Variants in PCDHA10 observed in about 807,000 individuals in gnomAD.
The protein encoded by PCDHA10 is protocadherin alpha-10.
Under a neutral mutation model 61.2 loss-of-function variants are expected in PCDHA10, and 45 were observed. The observed-to-expected ratio is 0.74, with a 90% CI of 0.58 to 0.94. PCDHA10 has a LOEUF of 0.94. Ranked by LOEUF, PCDHA10 falls within the 40% of genes least tolerant of loss-of-function variation. PCDHA10 has a pLI of 0.00. For synonymous variants in PCDHA10, 602 were observed against 548.8 expected (o/e 1.10, Z -1.35); for missense variants, 1,278 against 1,236.2 (o/e 1.03, Z -0.51).
At chr5:140,985,619 G>A (rs961379624) in intron 3 of PCDHA10, among the ~76,000 whole-genome samples, 1 of 152,064 alleles carries the variant, frequency 6.6e-6, no homozygotes, top group Non-Finnish European at 1.5e-5. Flanking sequence ...TGAACCAGCT[G>A]TGTATTGCTC....
At chr5:140,913,122 C>A (rs2076217505) in intron 1 of PCDHA10, among the ~76,000 whole-genome samples, 1 of 152,158 alleles carries the variant, frequency 6.6e-6, no homozygotes, top group African/African-American at 2.4e-5. Context: ...TGGAAGTTAA[C>A]CCCTCCTCTA....
At chr5:141,000,768 A>G (rs1434125702) in intron 3 of PCDHA10, among the ~76,000 whole-genome samples, 43 of 151,864 alleles carry the variant, frequency 2.8e-4, no homozygotes, top group African/African-American at 4.8e-5. Context: ...TTAGCCAGGC[A>G]TAGTGGCGCA....
intron 1 of PCDHA10, chr5:140,863,098 A>C (rs781829362): frequency 1.7e-6 from 1 of 578,270 alleles, no homozygotes; most frequent in Non-Finnish European, 3.4e-6. Context: ...CACGACGAGT[A>C]CCCTGGACGA....
intron 3 of PCDHA10, among the ~76,000 whole-genome samples, chr5:140,996,546 T>C (rs1179221123): frequency 6.6e-6 from 1 of 152,224 alleles, no homozygotes; most frequent in Admixed American, 6.5e-5. Flanking sequence ...GATATTATGC[T>C]GTCACTATCT....
In PCDHA10 at chr5:140,904,839, ATCT is replaced by A. The variant is rs1480252178; in HGVS notation, c.2388+46410_2388+46412del. 4.1e-4 allele frequency among the ~76,000 whole-genome samples: 62 copies of A among 152,040 alleles called. No individual in the cohort carries two copies. The East Asian group carries it at 6.4e-3, about 16-fold the overall frequency. Reference sequence around the variant, plus strand: ...TTGAGCATTTTTTTATATGTTTCATATCTTCTTCTGAGAATTGTCTGTTTATGT... The same window carrying A: ...TTGAGCATTTTTTTATATGTTTCATATCTTCTGAGAATTGTCTGTTTATGT... On this transcript the variant is annotated intron_variant, in intron 1 of 3. Coordinates refer to ENST00000307360, the MANE Select transcript of PCDHA10 (RefSeq NM_018901.4).
At chr5:141,007,395 CAAAAAAAA>C (rs35800918) in intron 3 of PCDHA10, among the ~76,000 whole-genome samples, 98 of 94,844 alleles carry the variant, frequency 1.0e-3, no homozygotes, top group African/African-American at 2.9e-3. Context: ...TACTAAAATA[CAAAAAAAA>C]AAAAAAAAAA....
At chr5:140,903,500 G>A (rs553764100) in intron 1 of PCDHA10, among the ~76,000 whole-genome samples, 1 of 152,184 alleles carries the variant, frequency 6.6e-6, no homozygotes, top group African/African-American at 2.4e-5. Flanking sequence ...AGGTACCATA[G>A]ATAATAGTTC....
At chr5:140,883,398 G>A (rs1421475221) in intron 1 of PCDHA10, 1 of 1,614,166 alleles carries the variant, frequency 6.2e-7, no homozygotes, top group Non-Finnish European at 8.5e-7. Flanking sequence ...GTGTCCGATC[G>A]TGACTCTGGC....
In PCDHA10 at chr5:140,877,445, C is replaced by T. The variant is rs782657623; in HGVS notation, c.2388+19009C>T. ...CTGGTGAAGGACCACGGTGAGCCCG[C>T]GCTGACGTCCACGGCCACGGTGCTG... On this transcript the variant is annotated intron_variant, in intron 1 of 3. Transcript: ENST00000307360. 36 of 1,613,714 alleles carry T rather than the reference C, an allele frequency of 2.2e-5. No individual in the cohort carries two copies. The highest frequency in any genetic ancestry group is 3.0e-5 in the Non-Finnish European group (35 of 1,179,874).
chr5:140,967,810 C>T, intron 1 of PCDHA10: 1 of 1,614,176 alleles, frequency 6.2e-7, no homozygotes, highest in Non-Finnish European at 8.5e-7. Context: ...TGGCAGGTCA[C>T]TGCAAGGTGC....
intron 2 of PCDHA10, 91 bp downstream of exon 2, chr5:140,979,098 A>C: frequency 1.3e-6 from 2 of 1,547,480 alleles, no homozygotes; most frequent in East Asian, 2.3e-5. Flanking sequence ...AGCAGCTGTC[A>C]AAACTAAAAA....
chr5:140,921,131 C>A (rs532456439), intron 1 of PCDHA10, among the ~76,000 whole-genome samples: 1 of 133,054 alleles, frequency 7.5e-6, no homozygotes, highest in East Asian at 2.3e-4. Flanking sequence ...CAGGTGCACA[C>A]CACTACACCC....
chr5:140,928,943 T>C, intron 1 of PCDHA10: 1 of 1,614,090 alleles, frequency 6.2e-7, no homozygotes, highest in Non-Finnish European at 8.5e-7. Flanking sequence ...AACTTGTATT[T>C]AGTAATTGCC....
In PCDHA10 at chr5:140,875,735, C is replaced by A. The variant is rs376701509; in HGVS notation, c.2388+17299C>A. The stretch of plus-strand genomic sequence containing the variant: ...CAGAATGGCATTTTGTTTGTGAATT[C>A]TCGGATCGACCGCGAGAAGCTGTGC... On this transcript the variant is annotated intron_variant, in intron 1 of 3. Coordinates refer to ENST00000307360, the MANE Select transcript of PCDHA10 (RefSeq NM_018901.4). 16 of 1,614,114 alleles carry A rather than the reference C, an allele frequency of 9.9e-6. No homozygotes were observed. In the Middle Eastern group the frequency reaches 4.9e-4, roughly 50 times the overall value.
At chr5:140,977,661 CTGCA>C (rs1554238727) in intron 1 of PCDHA10, among the ~76,000 whole-genome samples, 1 of 152,168 alleles carries the variant, frequency 6.6e-6, no homozygotes, top group Non-Finnish European at 1.5e-5. Flanking sequence ...GGCTAATTCT[CTGCA>C]TGCCAAATAT....
chr5:140,967,745 G>T, intron 1 of PCDHA10: 1 of 1,614,184 alleles, frequency 6.2e-7, no homozygotes, highest in Non-Finnish European at 8.5e-7. Flanking sequence ...GGATTATGAG[G>T]AAGCCTCCTC....
Position 140,967,279 on chromosome 5 carries a change from T to G in PCDHA10, c.2389-11670T>G, listed in dbSNP as rs184476796. The G allele has an allele frequency of 7.8e-5, 126 of 1,613,002 alleles. 1 individual carries two copies. The East Asian group carries it at 2.6e-3, about 34-fold the overall frequency. On this transcript the variant is annotated intron_variant, in intron 1 of 3. Coordinates refer to ENST00000307360, the MANE Select transcript of PCDHA10 (RefSeq NM_018901.4). ...CTGGAGCGCGCTTTCACATAGAGAGTGCGCAGGACCCCGACGTGGGCGCCA... is the reference window on the plus strand; with the variant it reads ...CTGGAGCGCGCTTTCACATAGAGAGGGCGCAGGACCCCGACGTGGGCGCCA...
At chr5:140,938,618 C>A (rs925273700) in intron 1 of PCDHA10, among the ~76,000 whole-genome samples, 1 of 152,138 alleles carries the variant, frequency 6.6e-6, no homozygotes, top group East Asian at 1.9e-4. Flanking sequence ...TTGGAATAAA[C>A]TCAGGTTGCT....
intron 1 of PCDHA10, chr5:140,877,328 A>G (rs782817195): frequency 1.2e-6 from 2 of 1,613,980 alleles, no homozygotes; most frequent in Non-Finnish European, 1.7e-6. Context: ...GTCGGCGCGC[A>G]CATCCCGTTC....
Sources: allele counts gnomAD v4.1 joint callset (sites outside exome capture counted in the v4.1 genomes callset), GRCh38; gene constraint gnomAD v4.1.1; transcripts MANE v1.5; gene names NCBI Gene and HGNC (gene_info 2026-07-23, HGNC 2026-07-21).